The following ZSWIM6 variants were observed in gnomAD, a reference collection of about 807,000 sequenced individuals.
ZSWIM6 encodes the protein zinc finger SWIM-type containing 6.
Under a neutral mutation model 113.2 loss-of-function variants are expected in ZSWIM6, and 9 were observed. The ratio of observed to expected loss-of-function variants is 0.08; its 90% CI spans 0.05 to 0.14. ZSWIM6 has a LOEUF of 0.14. Ranked by LOEUF, ZSWIM6 falls within the 10% of genes least tolerant of loss-of-function variation. The probability of loss-of-function intolerance (pLI) is 1.00; values close to 1 mark genes in which losing one functional copy is unlikely to be tolerated. For missense variants in ZSWIM6, 1,162 were observed against 1,552.2 expected (o/e 0.75, Z 4.22); for synonymous variants, 611 against 606.5 (o/e 1.01, Z -0.11).
At chr5:61,541,377 T>C (rs901220300) in intron 12 of ZSWIM6, among the ~76,000 whole-genome samples, 2 of 152,210 alleles carry the variant, frequency 1.3e-5, no homozygotes, top group African/African-American at 4.8e-5. Flanking sequence ...TTTTCCCCCA[T>C]AAACCTGGAG....
chr5:61,397,135 T>TGGACA (rs1323253999), intron 1 of ZSWIM6, among the ~76,000 whole-genome samples: 1 of 152,172 alleles, frequency 6.6e-6, no homozygotes, highest in Admixed American at 6.5e-5. Flanking sequence ...ATAACCAGGT[T>TGGACA]TTTCAGTTTT....
At chr5:61,362,763 A>G (rs1448923828) in intron 1 of ZSWIM6, among the ~76,000 whole-genome samples, 4 of 152,116 alleles carry the variant, frequency 2.6e-5, no homozygotes, top group Admixed American at 2.6e-4. Flanking sequence ...TCCAGGTCTG[A>G]CTGCTCTCCT....
intron 4 of ZSWIM6, among the ~76,000 whole-genome samples, chr5:61,513,653 G>A (rs1179887632): frequency 6.6e-6 from 1 of 151,910 alleles, no homozygotes; most frequent in African/African-American, 2.4e-5. Context: ...TTTTTATAAA[G>A]TATATAATAT....
intron 5 of ZSWIM6, among the ~76,000 whole-genome samples, chr5:61,524,616 C>T (rs1397382484): frequency 2.6e-5 from 4 of 152,148 alleles, no homozygotes; most frequent in Non-Finnish European, 2.9e-5. Context: ...AAGGGGTTGG[C>T]GTAGATGAGT....
At chr5:61,338,114 G>T (rs942358721) in intron 1 of ZSWIM6, among the ~76,000 whole-genome samples, 1 of 150,988 alleles carries the variant, frequency 6.6e-6, no homozygotes, top group Admixed American at 6.6e-5. Flanking sequence ...TAACATTCTG[G>T]TAAACACATT....
At chr5:61,383,169 A>G (rs1003952302) in intron 1 of ZSWIM6, among the ~76,000 whole-genome samples, 1 of 152,220 alleles carries the variant, frequency 6.6e-6, no homozygotes, top group Non-Finnish European at 1.5e-5. Flanking sequence ...AGTTTATTGT[A>G]TGTTTATTGA....
intron 2 of ZSWIM6, among the ~76,000 whole-genome samples, chr5:61,477,040 G>A (rs1313378750): frequency 1.3e-5 from 2 of 152,184 alleles, no homozygotes; most frequent in Non-Finnish European, 1.5e-5. Flanking sequence ...CAGTTAAGAA[G>A]AGAGAAGCCA....
intron 1 of ZSWIM6, among the ~76,000 whole-genome samples, chr5:61,339,163 C>T (rs1057087862): frequency 2.6e-5 from 4 of 152,196 alleles, no homozygotes; most frequent in Non-Finnish European, 4.4e-5. Context: ...GTAGGAATGA[C>T]ATGTTTTGTT....
At chr5:61,420,136 G>T (rs1293817779) in intron 1 of ZSWIM6, among the ~76,000 whole-genome samples, 1 of 152,182 alleles carries the variant, frequency 6.6e-6, no homozygotes, top group Non-Finnish European at 1.5e-5. Context: ...ATTTTAATTT[G>T]CAAGAGTAAT....
intron 1 of ZSWIM6, among the ~76,000 whole-genome samples, chr5:61,395,245 T>A (rs1288977577): frequency 1.3e-5 from 2 of 152,096 alleles, no homozygotes; most frequent in African/African-American, 4.8e-5. Flanking sequence ...TAAGACAACT[T>A]ATCTAGGTGG....
chr5:61,490,518 A>G lies in ZSWIM6; in HGVS notation c.1034-268A>G, dbSNP rs949134129. 4.6e-5 allele frequency among the ~76,000 whole-genome samples: 7 copies of G among 152,224 alleles called. 1 individual carries two copies. Among genetic ancestry groups the G allele is most frequent in the African/African-American group, 1.7e-4 (7 of 41,574 alleles). Reference sequence around the variant, plus strand: ...CACTTTTGTGAATTTGATTTTTTAGAGAACCTATAAACTCATCTCCAGAGA... The same window carrying G: ...CACTTTTGTGAATTTGATTTTTTAGGGAACCTATAAACTCATCTCCAGAGA... On this transcript the variant is annotated intron_variant, in intron 2 of 13. Transcript: ENST00000252744.
intron 4 of ZSWIM6, 26 bp from the exon 5 acceptor site, chr5:61,521,237 T>A: frequency 7.9e-7 from 1 of 1,270,278 alleles, no homozygotes; most frequent in Non-Finnish European, 1.0e-6. Context: ...TTTGAACATT[T>A]ATTTTCCTTT....
chr5:61,506,072 A>C (rs1748611303), intron 4 of ZSWIM6, among the ~76,000 whole-genome samples: 2 of 151,982 alleles, frequency 1.3e-5, no homozygotes, highest in Admixed American at 1.3e-4. Context: ...TGACAACAAA[A>C]ATTTGGTTAT....
intron 5 of ZSWIM6, 104 bp from the exon 6 acceptor site, chr5:61,525,696 T>C: frequency 7.6e-7 from 1 of 1,320,678 alleles, no homozygotes; most frequent in South Asian, 1.4e-5. Flanking sequence ...TGCAGGACAA[T>C]GTGTGTGGGT....
chr5:61,488,515 A>G (rs1748087282), intron 2 of ZSWIM6, among the ~76,000 whole-genome samples: 1 of 151,870 alleles, frequency 6.6e-6, no homozygotes, highest in African/African-American at 2.4e-5. Flanking sequence ...GAGATTCTTT[A>G]TTACCGATTC....
chr5:61,507,113 T>C (rs1257907867), intron 4 of ZSWIM6, among the ~76,000 whole-genome samples: 2 of 152,216 alleles, frequency 1.3e-5, no homozygotes, highest in African/African-American at 4.8e-5. Flanking sequence ...CAGTCCCCAC[T>C]GTTAATGGCC....
chr5:61,436,805 G>C (rs1746717430), intron 1 of ZSWIM6, among the ~76,000 whole-genome samples: 1 of 152,154 alleles, frequency 6.6e-6, no homozygotes, highest in African/African-American at 2.4e-5. Context: ...AATAGAGCTA[G>C]TTCTGTTCAT....
At chr5:61,362,259 C>T (rs950137456) in intron 1 of ZSWIM6, among the ~76,000 whole-genome samples, 4 of 151,776 alleles carry the variant, frequency 2.6e-5, no homozygotes, top group Non-Finnish European at 4.4e-5. Flanking sequence ...AATGCAATGG[C>T]CCCATCTTGG....
intron 1 of ZSWIM6, among the ~76,000 whole-genome samples, chr5:61,407,747 T>G (rs1298296161): frequency 6.6e-6 from 1 of 152,180 alleles, no homozygotes; most frequent in Non-Finnish European, 1.5e-5. Flanking sequence ...ACTTCGTTCA[T>G]AATATGAAAA....
Sources: allele counts gnomAD v4.1 joint callset (sites outside exome capture counted in the v4.1 genomes callset), GRCh38; gene constraint gnomAD v4.1.1; transcripts MANE v1.5; gene names NCBI Gene and HGNC (gene_info 2026-07-23, HGNC 2026-07-21).